Variants in EFR3B observed in about 807,000 individuals in gnomAD.
EFR3B encodes the protein protein EFR3 homolog B.
Under a neutral mutation model 104.7 loss-of-function variants are expected in EFR3B, and 64 were observed. The ratio of observed to expected loss-of-function variants is 0.61; its 90% CI spans 0.50 to 0.75. The LOEUF is 0.75. Ranked by LOEUF, EFR3B falls within the 30% of genes least tolerant of loss-of-function variation. The probability of loss-of-function intolerance (pLI) is 0.00; values close to 1 mark genes in which losing one functional copy is unlikely to be tolerated. For missense variants in EFR3B, 750 were observed against 1,078.5 expected (o/e 0.70, Z 4.27); for synonymous variants, 385 against 417.9 (o/e 0.92, Z 0.96).
intron 1 of EFR3B, among the ~76,000 whole-genome samples, chr2:25,053,885 C>T (rs368540763): frequency 1.1e-4 from 17 of 152,088 alleles, no homozygotes; most frequent in African/African-American, 2.7e-4. Context: ...CCAGCCTGGG[C>T]GACAGAGCGA....
At chr2:25,055,562 C>A in intron 1 of EFR3B, among the ~76,000 whole-genome samples, 1 of 152,212 alleles carries the variant, frequency 6.6e-6, no homozygotes, top group East Asian at 1.9e-4. Flanking sequence ...GCAGAGCTCC[C>A]ATCCCACCCT....
At chr2:25,148,797 C>T (rs1260140071) in intron 19 of EFR3B, among the ~76,000 whole-genome samples, 2 of 151,074 alleles carry the variant, frequency 1.3e-5, no homozygotes, top group Non-Finnish European at 3.0e-5. Context: ...TGGTGGGCGC[C>T]TGTAGTCCCA....
intron 1 of EFR3B, among the ~76,000 whole-genome samples, chr2:25,085,748 A>C (rs1248170224): frequency 6.6e-6 from 1 of 151,848 alleles, no homozygotes; most frequent in Non-Finnish European, 1.5e-5. Context: ...TACAGGTGTG[A>C]GCCACCGCGC....
intron 19 of EFR3B, 90 bp from the exon 20 acceptor site, chr2:25,149,604 G>A (rs1670945948): frequency 7.4e-6 from 10 of 1,353,554 alleles, no homozygotes; most frequent in African/African-American, 5.8e-5. Flanking sequence ...CTTCCAACAA[G>A]CAAGGGGCTG....
At chr2:25,086,369 G>T (rs2149182082) in intron 1 of EFR3B, among the ~76,000 whole-genome samples, 1 of 152,312 alleles carries the variant, frequency 6.6e-6, no homozygotes, top group African/African-American at 2.4e-5. Flanking sequence ...GTACCAGTTT[G>T]CATTCCCACC....
At chr2:25,084,001 C>T (rs1668880567) in intron 1 of EFR3B, among the ~76,000 whole-genome samples, 1 of 152,120 alleles carries the variant, frequency 6.6e-6, no homozygotes, top group Admixed American at 6.5e-5. Flanking sequence ...CTATCCCTGC[C>T]CTGGTTTTGT....
At chr2:25,067,031 C>T (rs1668353918) in intron 1 of EFR3B, among the ~76,000 whole-genome samples, 1 of 152,202 alleles carries the variant, frequency 6.6e-6, no homozygotes, top group Non-Finnish European at 1.5e-5. Flanking sequence ...ATGAGTAATA[C>T]TTCTGCAATG....
chr2:25,049,690 G>A (rs1055900873), intron 1 of EFR3B, among the ~76,000 whole-genome samples: 7 of 152,168 alleles, frequency 4.6e-5, no homozygotes, highest in African/African-American at 1.7e-4. Flanking sequence ...GAGAAGGGAG[G>A]CAGGTGTGGC....
intron 1 of EFR3B, among the ~76,000 whole-genome samples, chr2:25,089,834 C>A (rs1003598231): frequency 1.3e-5 from 2 of 152,056 alleles, no homozygotes; most frequent in Non-Finnish European, 2.9e-5. Flanking sequence ...TGTGCTGGGG[C>A]GGGTGGAAGC....
In EFR3B at chr2:25,042,386, C is replaced by T; in HGVS notation, c.7+67C>T. On this transcript the variant is annotated intron_variant, in intron 1 of 22. Transcript: ENST00000403714. The surrounding 1 kb of genome is among the most constrained non-coding windows in gnomAD (Gnocchi z 5.4). ...ACTCCGCAAACTTCCCCGGCGCGGA[C>T]CATTGTCCCCCTGCACGGCCCTGGC... is the stretch of plus-strand genomic sequence containing the variant. The T allele has an allele frequency of 1.6e-6, 2 of 1,233,708 alleles. No individual in the cohort carries two copies. The highest frequency in any genetic ancestry group is 2.0e-6 in the Non-Finnish European group (2 of 987,336). The allele number at this position is 1,233,708 out of a possible 1,614,324, so 76.4% of individuals were successfully genotyped here.
intron 1 of EFR3B, among the ~76,000 whole-genome samples, chr2:25,054,450 T>C (rs886872966): frequency 3.3e-5 from 5 of 152,048 alleles, no homozygotes; most frequent in Admixed American, 6.6e-5. Context: ...GCCTCCCAAG[T>C]AGCTGGGATT....
chr2:25,133,073 C>T (rs1670416249), intron 11 of EFR3B, 59 bp downstream of exon 11: 19 of 1,442,048 alleles, frequency 1.3e-5, no homozygotes, highest in Non-Finnish European at 1.5e-5. Flanking sequence ...CATTTTCTGA[C>T]CCCCTCCTTT....
chr2:25,141,480 A>G (rs765007399), intron 17 of EFR3B, 47 bp downstream of exon 17: 40 of 1,545,684 alleles, frequency 2.6e-5, no homozygotes, highest in African/African-American at 2.1e-4. Flanking sequence ...AGGGCAGCTG[A>G]GTAAGCAGGT....
intron 1 of EFR3B, among the ~76,000 whole-genome samples, chr2:25,062,417 G>A (rs966661026): frequency 1.3e-5 from 2 of 152,200 alleles, no homozygotes; most frequent in Non-Finnish European, 2.9e-5. Flanking sequence ...TTAAATGTGT[G>A]CATCTTACTG....
chr2:25,124,872 C>T (rs1037089098), intron 5 of EFR3B, among the ~76,000 whole-genome samples: 1 of 151,184 alleles, frequency 6.6e-6, no homozygotes, highest in Non-Finnish European at 1.5e-5. Flanking sequence ...GCCTGGTCAA[C>T]ATGGTGAAAC....
At position 25,143,286 on chromosome 2, in the gene EFR3B, T is replaced by C. The variant is rs556825538; in HGVS notation, c.1923-449T>C. ...AATATATTATAAAATGAATAGTGGTTATCTCTGGAAATGGGACTGGGGGTG... is the reference window on the plus strand; with the variant it reads ...AATATATTATAAAATGAATAGTGGTCATCTCTGGAAATGGGACTGGGGGTG... On this transcript the variant is annotated intron_variant, in intron 17 of 22. Coordinates refer to ENST00000403714, the MANE Select transcript of EFR3B (RefSeq NM_014971.2). Among the ~76,000 whole-genome samples the C allele has an allele frequency of 9.0e-4, 137 of 152,342 alleles. 1 individual carries two copies. The highest frequency in any genetic ancestry group is 3.3e-3 in the African/African-American group (136 of 41,576).
intron 21 of EFR3B, 61 bp downstream of exon 21, chr2:25,152,081 A>G: frequency 6.6e-7 from 1 of 1,504,100 alleles, no homozygotes; most frequent in Non-Finnish European, 9.0e-7. Flanking sequence ...ATTTGGGTCC[A>G]GGACAGGATT....
At chr2:25,098,434 T>TACCTCTC (rs1669341454) in intron 3 of EFR3B, among the ~76,000 whole-genome samples, 1 of 152,184 alleles carries the variant, frequency 6.6e-6, no homozygotes, top group South Asian at 2.1e-4. Context: ...TCAGACCTGT[T>TACCTCTC]ATGACTTTGT....
intron 12 of EFR3B, among the ~76,000 whole-genome samples, chr2:25,134,243 G>A (rs1164148545): frequency 2.7e-5 from 4 of 150,600 alleles, no homozygotes; most frequent in African/African-American, 4.9e-5. Flanking sequence ...GCAGTGGTGC[G>A]ATCTTGGCTC....
Sources: allele counts gnomAD v4.1 joint callset (sites outside exome capture counted in the v4.1 genomes callset), GRCh38; gene constraint gnomAD v4.1.1; non-coding constraint Gnocchi (gnomAD v3.1); transcripts MANE v1.5; gene names NCBI Gene and HGNC (gene_info 2026-07-23, HGNC 2026-07-21).